The following TAFA1 variants were observed in gnomAD, a reference collection of about 807,000 sequenced individuals.
The protein encoded by TAFA1 is chemokine-like protein TAFA-1.
Under a neutral mutation model 18.5 loss-of-function variants are expected in TAFA1, and 4 were observed. The ratio of observed to expected loss-of-function variants is 0.22; its 90% CI spans 0.11 to 0.49. The LOEUF (loss-of-function observed/expected upper bound fraction) is 0.49. Among genes scored for constraint, TAFA1 ranks in the 20% least tolerant of loss-of-function variants. The pLI is 0.98. For synonymous variants in TAFA1, 56 were observed against 55.2 expected (o/e 1.01, Z -0.06); for missense variants, 147 against 169.0 (o/e 0.87, Z 0.72).
intron 2 of TAFA1, among the ~76,000 whole-genome samples, chr3:68,025,074 C>G (rs1476300505): frequency 6.6e-6 from 1 of 152,108 alleles, no homozygotes; most frequent in Non-Finnish European, 1.5e-5. Flanking sequence ...AACAGATCTT[C>G]CCTAGTCCCC....
the TAFA1 span, among the ~76,000 whole-genome samples, chr3:67,996,931 C>T: frequency 1.3e-5 from 2 of 151,978 alleles, no homozygotes; most frequent in Non-Finnish European, 2.9e-5. Context: ...TGACACAGAA[C>T]AATAGATGCT....
At chr3:68,415,795 G>A (rs1213082459) in intron 2 of TAFA1, among the ~76,000 whole-genome samples, 2 of 151,960 alleles carry the variant, frequency 1.3e-5, no homozygotes, top group Non-Finnish European at 2.9e-5. Context: ...TTACAGATGA[G>A]GAAACTAAGG....
intron 2 of TAFA1, among the ~76,000 whole-genome samples, chr3:68,313,663 T>C (rs1205920191): frequency 1.3e-5 from 2 of 152,242 alleles, no homozygotes; most frequent in Non-Finnish European, 2.9e-5. Flanking sequence ...TTCTGCAGTG[T>C]ACACCTGGAC....
chr3:68,054,962 C>A (rs557399893), intron 2 of TAFA1, among the ~76,000 whole-genome samples: 2 of 152,206 alleles, frequency 1.3e-5, no homozygotes, highest in Admixed American at 6.6e-5. Flanking sequence ...GTAGACTATG[C>A]TCTGAAGTTT....
At chr3:68,145,105 C>T (rs2065721639) in intron 2 of TAFA1, 8 of 1,070,712 alleles carry the variant, frequency 7.5e-6, no homozygotes, top group Non-Finnish European at 1.2e-5. Context: ...TTGCTACACC[C>T]CCAGTGTATG....
intron 2 of TAFA1, among the ~76,000 whole-genome samples, chr3:68,268,814 G>T (rs1247160373): frequency 2.0e-5 from 3 of 152,022 alleles, no homozygotes; most frequent in Non-Finnish European, 4.4e-5. Context: ...CAGTCAGTTG[G>T]GTAATCATGA....
chr3:68,005,820 T>C (rs1254190246), intron 1 of TAFA1, among the ~76,000 whole-genome samples: 1 of 152,220 alleles, frequency 6.6e-6, no homozygotes, highest in Non-Finnish European at 1.5e-5. Context: ...TATAGCGCAG[T>C]TGAGCCTTTG....
At chr3:68,125,751 A>G (rs1304130291) in intron 2 of TAFA1, among the ~76,000 whole-genome samples, 4 of 152,178 alleles carry the variant, frequency 2.6e-5, no homozygotes, top group East Asian at 1.9e-4. Context: ...GTGGCAGCTC[A>G]GACTCACCTT....
At chr3:68,361,601 C>G (rs546085959) in intron 2 of TAFA1, among the ~76,000 whole-genome samples, 1 of 151,430 alleles carries the variant, frequency 6.6e-6, no homozygotes, top group East Asian at 2.0e-4. Flanking sequence ...CATGTCCCCC[C>G]TAAGTGTGTA....
At chr3:68,231,344 AT>A (rs1175174572) in intron 2 of TAFA1, among the ~76,000 whole-genome samples, 1,394 of 79,782 alleles carry the variant, frequency 0.017, 3 homozygotes, top group African/African-American at 0.041. Flanking sequence ...AATCTATTTG[AT>A]TTTTTTTTTT....
chr3:68,050,318 G>A (rs1295339344), intron 2 of TAFA1, among the ~76,000 whole-genome samples: 1 of 152,128 alleles, frequency 6.6e-6, no homozygotes, highest in African/African-American at 2.4e-5. Context: ...CAGACTCTTT[G>A]AAGGCTGCAT....
chr3:68,199,817 T>C (rs1030117424), intron 2 of TAFA1, among the ~76,000 whole-genome samples: 2 of 151,494 alleles, frequency 1.3e-5, no homozygotes, highest in Non-Finnish European at 3.0e-5. Context: ...TTCTTCCTTC[T>C]CAATCAGTAT....
chr3:68,235,506 T>C (rs927456154), intron 2 of TAFA1, among the ~76,000 whole-genome samples: 2 of 152,354 alleles, frequency 1.3e-5, no homozygotes, highest in Non-Finnish European at 2.9e-5. Context: ...TCCAGGTTCA[T>C]ACTTCGCTAA....
At chr3:68,065,874 A>C (rs2064670795) in intron 2 of TAFA1, among the ~76,000 whole-genome samples, 1 of 152,058 alleles carries the variant, frequency 6.6e-6, no homozygotes, top group Non-Finnish European at 1.5e-5. Context: ...GTAGATAGAG[A>C]AATAAATTGT....
chr3:68,158,725 C>T (rs73092971), intron 2 of TAFA1, among the ~76,000 whole-genome samples: 8,935 of 152,042 alleles, frequency 0.059, 369 homozygotes, highest in Non-Finnish European at 0.093. Context: ...TTTTTGGATC[C>T]TTTGCCATTT....
chr3:68,425,990 G>A (rs1051177606), intron 3 of TAFA1, among the ~76,000 whole-genome samples: 2 of 151,782 alleles, frequency 1.3e-5, no homozygotes, highest in Non-Finnish European at 2.9e-5. Context: ...GTGGTAACAA[G>A]CTCATACAGT....
At chr3:68,084,172 G>T (rs2064942173) in intron 2 of TAFA1, among the ~76,000 whole-genome samples, 1 of 152,216 alleles carries the variant, frequency 6.6e-6, no homozygotes, top group South Asian at 2.1e-4. Context: ...TAAGGACTAT[G>T]AGCTGGGAAA....
chr3:68,361,198 T>C (rs1473203007), intron 2 of TAFA1, among the ~76,000 whole-genome samples: 1 of 151,928 alleles, frequency 6.6e-6, no homozygotes, highest in Non-Finnish European at 1.5e-5. Flanking sequence ...TGCAGCAACA[T>C]TGATGGAACT....
At chr3:68,070,879 T>G (rs1442405984) in intron 2 of TAFA1, among the ~76,000 whole-genome samples, 2 of 152,256 alleles carry the variant, frequency 1.3e-5, no homozygotes, top group African/African-American at 2.4e-5. Flanking sequence ...CATTTCCATC[T>G]GATAACACCT....
Sources: gnomAD v4.1 joint callset for allele counts (sites outside exome capture counted in the v4.1 genomes callset) on GRCh38, gnomAD v4.1.1 for gene constraint, MANE v1.5 for transcripts, NCBI Gene and HGNC (gene_info 2026-07-23, HGNC 2026-07-21) for gene names.